Variants in APC observed in about 807,000 individuals in gnomAD.
APC encodes the protein APC regulator of Wnt signaling pathway, also known as adenomatous polyposis coli protein.
APC carries 72 observed loss-of-function variants against 247.0 expected under a neutral mutation model. The observed-to-expected ratio is 0.29, with a 90% CI of 0.24 to 0.35. The LOEUF (loss-of-function observed/expected upper bound fraction) is 0.35. Among genes scored for constraint, APC ranks in the 10% least tolerant of loss-of-function variants. The probability of loss-of-function intolerance (pLI) is 1.00; values close to 1 mark genes in which losing one functional copy is unlikely to be tolerated. For synonymous variants in APC, 1,254 were observed against 1,162.5 expected (o/e 1.08, Z -1.60); for missense variants, 3,400 against 3,360.7 (o/e 1.01, Z -0.29).
intron 2 of APC, among the ~76,000 whole-genome samples, chr5:112,758,139 A>G (rs1755198716): frequency 6.6e-6 from 1 of 152,178 alleles, no homozygotes; most frequent in Admixed American, 6.5e-5. Flanking sequence ...AATTTTCTGC[A>G]TACTTAGGTA....
intron 1 of APC, among the ~76,000 whole-genome samples, chr5:112,752,487 C>G (rs1754488966): frequency 6.6e-6 from 1 of 152,128 alleles, no homozygotes; most frequent in Non-Finnish European, 1.5e-5. Flanking sequence ...GCAGCAGTGT[C>G]TTTAGTGGTC....
At chr5:112,751,405 T>G (rs1009548326) in intron 1 of APC, among the ~76,000 whole-genome samples, 23 of 152,048 alleles carry the variant, frequency 1.5e-4, no homozygotes, top group African/African-American at 5.6e-4. Context: ...TTACTGGGAC[T>G]GTAAAATTTA....
At chr5:112,810,561 G>A (rs957177162) in intron 8 of APC, among the ~76,000 whole-genome samples, 1 of 152,158 alleles carries the variant, frequency 6.6e-6, no homozygotes, top group Non-Finnish European at 1.5e-5. Context: ...GCATCCTAAA[G>A]AGTTACGTAA....
At chr5:112,748,637 G>A (rs760563361) in intron 1 of APC, among the ~76,000 whole-genome samples, 2 of 151,996 alleles carry the variant, frequency 1.3e-5, no homozygotes, top group African/African-American at 2.4e-5. Flanking sequence ...GGAGGCGGGC[G>A]GATCACTTGA....
At position 112,844,572 on chromosome 5, in the gene APC, ATAAT is replaced by A. The variant is rs557829370; in HGVS notation, c.*451_*454del. On this transcript the variant is annotated 3_prime_UTR_variant, in exon 16 of 16. Coordinates refer to ENST00000257430, the MANE Select transcript of APC (RefSeq NM_000038.6). ...TGTCCTTGTGAGTCCATCTAACATC[ATAAT>A]TAATCATGTGGCTGTGAAATTCACA... 8.6e-4 allele frequency: 202 copies of A among 236,154 alleles called. 3 individuals carry two copies. Among genetic ancestry groups the A allele is most frequent in the African/African-American group, 4.1e-3 (188 of 45,456 alleles). 14.6% of individuals were successfully genotyped at this position (236,154 alleles called of 1,614,324 possible).
At position 112,838,831 on chromosome 5, in the gene APC, T is replaced by G. The variant is rs2149887608; in HGVS notation, c.3237T>G (p.Thr1079=). 6.2e-7 allele frequency: 1 copy of G among 1,614,158 alleles called. No individual in the cohort carries two copies. The highest frequency in any genetic ancestry group is 1.1e-5 in the South Asian group (1 of 91,078). The change falls in exon 16 of 16, where the codon ACT becomes ACG. Residue 1079 remains threonine (T), a synonymous_variant. Coordinates refer to ENST00000257430, the MANE Select transcript of APC (RefSeq NM_000038.6). ...RNQSTTYPVY[T]ESTDDKHLKF... is the part of the protein sequence containing the mutation. ...AAAGTACAACTTATCCTGTTTATAC[T>G]GAGAGCACTGATGATAAACACCTCA...
intron 2 of APC, among the ~76,000 whole-genome samples, chr5:112,766,115 C>T (rs1302665396): frequency 6.6e-6 from 1 of 152,068 alleles, no homozygotes; most frequent in African/African-American, 2.4e-5. Context: ...TGCACAGAGA[C>T]TCCCCATAAT....
intron 7 of APC, 120 bp from the exon 8 acceptor site, chr5:112,801,159 C>G: frequency 1.4e-6 from 1 of 703,078 alleles, no homozygotes; most frequent in Non-Finnish European, 2.5e-6. Context: ...CAGTTCCATG[C>G]CTTTATCAGT....
intron 6 of APC, chr5:112,783,896 A>T (rs111933129): frequency 3.8e-6 from 1 of 261,398 alleles, no homozygotes; most frequent in Admixed American, 5.1e-5. Flanking sequence ...CTAATAAACA[A>T]TTGTGAAAAG....
In APC at chr5:112,841,302, A is replaced by G. The variant is rs750404000; in HGVS notation, c.5708A>G (p.Asn1903Ser). The change falls in exon 16 of 16, where the codon AAC (asparagine) becomes AGC (serine). Residue 1903 changes from asparagine to serine, a missense_variant. By Grantham distance (46) the Asn-to-Ser change is conservative (BLOSUM62 1). Around this residue, in one of 9 missense-constraint regions of APC, gnomAD observed 1,788 missense variants for 1,649.5 expected, o/e 1.08. Coordinates refer to ENST00000257430, the MANE Select transcript of APC (RefSeq NM_000038.6). This position sits in a 1 kb window ranked among gnomAD's most constrained non-coding sequence, Gnocchi z 4.6. Reference sequence around the variant, plus strand: ...ACCAGCCACACAGAACTAACCTCCAACCAACAATCAGCTAATAAGACACAA... The same window carrying G: ...ACCAGCCACACAGAACTAACCTCCAGCCAACAATCAGCTAATAAGACACAA... The part of the protein sequence containing the change: ...KVTSHTELTS[N>S]QQSANKTQAI... The G allele has an allele frequency of 7.4e-6, 12 of 1,614,044 alleles. No individual in the cohort carries two copies. In the East Asian group the frequency reaches 1.1e-4, roughly 15 times the overall value.
At position 112,757,809 on chromosome 5, in the gene APC, A is replaced by G. The variant is rs561290894; in HGVS notation, c.135+2784A>G. ...TGGCAAAAGAGGACACTGCTTTGCT[A>G]TTTGATTATATGTGTCTTTGTAGCA... On this transcript the variant is annotated intron_variant, in intron 2 of 15. Transcript: ENST00000257430. Among the ~76,000 whole-genome samples the G allele has an allele frequency of 3.9e-5, 6 of 152,344 alleles. No individual in the cohort carries two copies. In the South Asian group the frequency reaches 1.2e-3, roughly 32 times the overall value.
intron 6 of APC, among the ~76,000 whole-genome samples, chr5:112,781,763 A>ATT (rs571711088): frequency 1.6e-4 from 23 of 143,412 alleles, no homozygotes; most frequent in South Asian, 4.4e-4. Flanking sequence ...AAACATAATG[A>ATT]TTTTTTTTTT....
intron 1 of APC, among the ~76,000 whole-genome samples, chr5:112,723,140 T>C (rs1380344730): frequency 8.2e-6 from 1 of 122,586 alleles, no homozygotes; most frequent in Non-Finnish European, 1.9e-5. Flanking sequence ...TGCCTCAACA[T>C]TATTAAAAAA....
In APC at chr5:112,842,071, T is replaced by C. The variant is rs1057521225; in HGVS notation, c.6477T>C (p.Phe2159=). Residue 2159 remains phenylalanine, a synonymous_variant, in exon 16 of 16, where the codon TTT becomes TTC. Transcript: ENST00000257430. ...HLTPDQEEKP[F]TSNKGPRILK... ...CACCTGATCAAGAAGAAAAACCCTT[T>C]ACAAGTAATAAAGGCCCACGAATTC... 1 of 1,612,160 alleles carries C rather than the reference T, an allele frequency of 6.2e-7. No individual in the cohort carries two copies. Among genetic ancestry groups the C allele is most frequent in the Non-Finnish European group, 8.5e-7 (1 of 1,178,330 alleles).
rs1766760123 is a variant in APC, at chr5:112,844,081, A to G, written c.8487A>G (p.Gln2829=). ...ACAGCACAGAATCCAGTGGAACCCAAAGTCCTAAGCGCCATTCTGGGTCTT... is the reference window on the plus strand; with the variant it reads ...ACAGCACAGAATCCAGTGGAACCCAGAGTCCTAAGCGCCATTCTGGGTCTT... ...KTDSTESSGT[Q]SPKRHSGSYL... The change falls in exon 16 of 16, where the codon CAA becomes CAG. Residue 2829 remains glutamine (Q), a synonymous_variant. Coordinates refer to ENST00000257430, the MANE Select transcript of APC (RefSeq NM_000038.6). 6.2e-7 allele frequency: 1 copy of G among 1,609,196 alleles called. No individual in the cohort carries two copies. Among genetic ancestry groups the G allele is most frequent in the Non-Finnish European group, 8.5e-7 (1 of 1,178,918 alleles).
rs144708821 is a variant in APC at position 112,729,092 on chromosome 5, T to G, written c.165+21210T>G. 6.1e-3 allele frequency among the ~76,000 whole-genome samples: 925 copies of G among 152,358 alleles called. 7 individuals carry two copies. The highest frequency in any genetic ancestry group is 0.01 in the Middle Eastern group (3 of 294). On this transcript the variant is annotated intron_variant, in intron 1 of 13. Transcript: ENST00000507379. Reference sequence around the variant, plus strand: ...TACATTCCCTTGTATTAAAACTTCTTCTGTAAATGTCTTAGTCCTCTTCTA... The same window carrying G: ...TACATTCCCTTGTATTAAAACTTCTGCTGTAAATGTCTTAGTCCTCTTCTA...
intron 1 of APC, among the ~76,000 whole-genome samples, chr5:112,724,821 T>G (rs375024600): frequency 6.6e-6 from 1 of 151,720 alleles, no homozygotes; most frequent in Non-Finnish European, 1.5e-5. Flanking sequence ...TGAGTGGCGG[T>G]GGGTAAGGAT....
In APC at chr5:112,814,060, T is replaced by C. The variant is rs2545169; in HGVS notation, c.835-1435T>C. On this transcript the variant is annotated intron_variant, in intron 8 of 15. Transcript: ENST00000257430. Reference sequence around the variant, plus strand: ...AATATTCTGTGGATACCTACTAAGCTTAAGACCACCCTTGGTACTAAGAAT... The same window carrying C: ...AATATTCTGTGGATACCTACTAAGCCTAAGACCACCCTTGGTACTAAGAAT... Among the ~76,000 whole-genome samples, 105,281 of 152,090 alleles carry C rather than the reference T, an allele frequency of 0.69. 37,177 individuals carry two copies. The highest frequency in any genetic ancestry group is 0.91 in the East Asian group (4,701 of 5,184).
rs1561612604 is a variant in APC, at chr5:112,842,691, A to G, written c.7097A>G (p.Tyr2366Cys). 1.2e-6 allele frequency: 2 copies of G among 1,613,366 alleles called. No individual in the cohort carries two copies. Among genetic ancestry groups the G allele is most frequent in the Non-Finnish European group, 8.5e-7 (1 of 1,179,346 alleles). Residue 2366 changes from tyrosine to cysteine, a missense_variant, in exon 16 of 16, where the codon TAT becomes TGT. Tyr to Cys is a radical substitution (Grantham distance 194). Around this residue, in one of 9 missense-constraint regions of APC, gnomAD observed 1,788 missense variants for 1,649.5 expected, o/e 1.08. Coordinates refer to ENST00000257430, the MANE Select transcript of APC (RefSeq NM_000038.6). ...TKSSGSGKMS[Y>C]TSPGRQMSQQ... Reference sequence around the variant, plus strand: ...TCCTCAGGTTCTGGAAAAATGTCATATACATCTCCAGGTAGACAGATGAGC... The same window carrying G: ...TCCTCAGGTTCTGGAAAAATGTCATGTACATCTCCAGGTAGACAGATGAGC...
Sources: allele counts gnomAD v4.1 joint callset (sites outside exome capture counted in the v4.1 genomes callset), GRCh38; gene constraint gnomAD v4.1.1; regional missense constraint gnomAD v4.1.1; non-coding constraint Gnocchi (gnomAD v3.1); transcripts MANE v1.5; gene names NCBI Gene and HGNC (gene_info 2026-07-23, HGNC 2026-07-21).